The following CEP152 variants were observed in gnomAD, a reference collection of about 807,000 sequenced individuals.
CEP152 encodes the protein centrosomal protein 152.
Under a neutral mutation model 188.9 loss-of-function variants are expected in CEP152, and 132 were observed. The observed-to-expected ratio is 0.70, with a 90% confidence interval of 0.61 to 0.81. The LOEUF (loss-of-function observed/expected upper bound fraction) is 0.81, where lower values mean the gene tolerates loss of function less well. Ranked by LOEUF, CEP152 falls within the 30% of genes least tolerant of loss-of-function variation. The pLI is 0.00. For synonymous variants in CEP152, 649 were observed against 666.6 expected (o/e 0.97, Z 0.41); for missense variants, 1,914 against 1,969.8 (o/e 0.97, Z 0.54).
At chr15:48,810,245 T>C (rs982487224) in intron 1 of CEP152, 20 of 152,258 alleles carry the variant, frequency 1.3e-4, no homozygotes, top group African/African-American at 4.8e-4. Context: ...CCTTCTAGAA[T>C]GGAAATAGCC....
In CEP152 at chr15:48,769,065, G is replaced by A. The variant is rs770045149; in HGVS notation, c.1799C>T (p.Ser600Leu). The change falls in exon 14 of 27, where the codon TCA becomes TTA. Residue 600 changes from serine to leucine, a missense_variant. Physicochemically the swap from Ser to Leu is moderately radical, Grantham distance 145. Transcript: ENST00000380950. ...SIEVETKTDT[S>L]EKPKNQLWPE... ...CCATAATTGATTCTTTGGTTTTTCT[G>A]AGGTATCTGTTTTAGTCTGAATATT... The A allele has an allele frequency of 1.2e-6, 2 of 1,606,718 alleles. No individual in the cohort carries two copies. Among genetic ancestry groups the A allele is most frequent in the Non-Finnish European group, 8.5e-7 (1 of 1,174,174 alleles).
chr15:48,803,313 G>A (rs182009330), intron 2 of CEP152, among the ~76,000 whole-genome samples: 145 of 152,184 alleles, frequency 9.5e-4, no homozygotes, highest in Non-Finnish European at 1.6e-3. Context: ...GGAAGACTGA[G>A]ACAGTTAAAA....
At chr15:48,772,799 A>G (rs1269102332) in intron 12 of CEP152, 108 bp from the exon 13 acceptor site, 4 of 863,862 alleles carry the variant, frequency 4.6e-6, no homozygotes, top group Non-Finnish European at 7.5e-6. Context: ...CACCTATACA[A>G]TTATATACTA....
chr15:48,790,975 T>C (rs1896954548), intron 8 of CEP152, among the ~76,000 whole-genome samples: 1 of 152,184 alleles, frequency 6.6e-6, no homozygotes, highest in Non-Finnish European at 1.5e-5. Context: ...GGCTATCTCA[T>C]TAATCAAAGA....
intron 20 of CEP152, among the ~76,000 whole-genome samples, chr15:48,754,814 A>G (rs1051853859): frequency 1.3e-5 from 2 of 152,230 alleles, no homozygotes; most frequent in African/African-American, 4.8e-5. Context: ...CCAGTGAGCA[A>G]CTATGTGATT....
At chr15:48,756,619 G>C in intron 19 of CEP152, 66 bp from the exon 20 acceptor site, 8 of 1,497,346 alleles carry the variant, frequency 5.3e-6, no homozygotes, top group African/African-American at 4.1e-5. Context: ...AAAAAATTAA[G>C]GTAACTATTT....
intron 9 of CEP152, among the ~76,000 whole-genome samples, chr15:48,786,584 C>T (rs1435786350): frequency 2.0e-5 from 3 of 152,016 alleles, no homozygotes; most frequent in South Asian, 2.1e-4. Flanking sequence ...GGCATGATGC[C>T]GAGGTCTGGG....
At chr15:48,731,236 T>A (rs368258358) in intron 2 of CEP152, among the ~76,000 whole-genome samples, 5 of 152,330 alleles carry the variant, frequency 3.3e-5, no homozygotes, top group African/African-American at 1.2e-4. Flanking sequence ...TTAACAACAC[T>A]GTATTGTGCA....
In CEP152 at chr15:48,788,959, A is replaced by T; in HGVS notation, c.1015T>A (p.Leu339Met). 1 of 1,614,166 alleles carries T rather than the reference A, an allele frequency of 6.2e-7. No individual in the cohort carries two copies. The highest frequency in any genetic ancestry group is 1.7e-5 in the Admixed American group (1 of 60,014). ...SRTTEMALES[L>M]KQQLVDLHHS... ...TGAAGGTCCACCAGCTGCTGCTTCA[A>T]GCTTTCCAGAGCCATTTCAGTTGTT... The change falls in exon 9 of 27, where the codon TTG becomes ATG. Residue 339 changes from leucine to methionine, a missense_variant. Transcript: ENST00000380950.
At chr15:48,776,659 A>C (rs1895930357) in intron 12 of CEP152, among the ~76,000 whole-genome samples, 1 of 152,190 alleles carries the variant, frequency 6.6e-6, no homozygotes, top group Admixed American at 6.5e-5. Flanking sequence ...AAAGTAATCT[A>C]TAAAAATATT....
intron 19 of CEP152, among the ~76,000 whole-genome samples, chr15:48,758,444 G>A (rs1894429273): frequency 6.6e-6 from 1 of 152,058 alleles, no homozygotes; most frequent in Non-Finnish European, 1.5e-5. Flanking sequence ...CCAGCCAGGT[G>A]CGGTGACTCC....
chr15:48,767,459 C>T lies in CEP152; in HGVS notation c.2023G>A (p.Glu675Lys), dbSNP rs1895210988. ...TCATGGTGCTGCTGATAAGTCCTTT[C>T]ACACCTGGAAACAGAGCGGAATCAA... ...HDKQEAVDRC[E>K]RTYQQHHEAM... Residue 675 changes from glutamate (E) to lysine (K), a missense_variant, in exon 16 of 27, where the codon GAA becomes AAA. Coordinates refer to ENST00000380950, the MANE Select transcript of CEP152 (RefSeq NM_001194998.2). 6.2e-7 allele frequency: 1 copy of T among 1,613,986 alleles called. No individual in the cohort carries two copies. Among genetic ancestry groups the T allele is most frequent in the South Asian group, 1.1e-5 (1 of 91,086 alleles).
chr15:48,773,637 G>A (rs1362829278), intron 12 of CEP152: 1 of 152,192 alleles, frequency 6.6e-6, no homozygotes, highest in East Asian at 1.9e-4. Flanking sequence ...AATATGTTAT[G>A]TTTCAATGAG....
chr15:48,798,152 A>G (rs1897440276), intron 2 of CEP152, 101 bp from the exon 3 acceptor site: 4 of 822,878 alleles, frequency 4.9e-6, no homozygotes, highest in Non-Finnish European at 8.3e-6. Context: ...GAGGTCAAAG[A>G]AGTTCATAAT....
At chr15:48,766,913 CTA>C (rs1399747023) in intron 17 of CEP152, 145 bp downstream of exon 17, 5 of 951,476 alleles carry the variant, frequency 5.3e-6, no homozygotes, top group East Asian at 2.4e-5. Flanking sequence ...TATTTGTGAG[CTA>C]TATGAGTGTG....
intron 15 of CEP152, 109 bp downstream of exon 15, chr15:48,768,110 G>C: frequency 2.7e-6 from 2 of 734,800 alleles, no homozygotes; most frequent in Non-Finnish European, 2.5e-6. Context: ...GATCTCAACA[G>C]GGTAGAAATC....
intron 7 of CEP152, 37 bp from the exon 8 acceptor site, chr15:48,791,413 T>C: frequency 6.3e-7 from 1 of 1,582,650 alleles, no homozygotes; most frequent in Non-Finnish European, 8.6e-7. Flanking sequence ...ATAATGTTCC[T>C]GTAGAGGGAC....
At chr15:48,739,388 A>T in intron 26 of CEP152, 100 bp from the exon 27 acceptor site, 1 of 1,427,546 alleles carries the variant, frequency 7.0e-7, no homozygotes. Context: ...AATAAGAAAA[A>T]ATTTATGTTT....
At chr15:48,758,579 C>T (rs1396740281) in intron 19 of CEP152, among the ~76,000 whole-genome samples, 5 of 151,738 alleles carry the variant, frequency 3.3e-5, no homozygotes, top group African/African-American at 1.2e-4. Flanking sequence ...ATTAGCCAGG[C>T]GAGGTAGCGG....
Sources: allele counts gnomAD v4.1 joint callset (sites outside exome capture counted in the v4.1 genomes callset), GRCh38; gene constraint gnomAD v4.1.1; transcripts MANE v1.5; gene names NCBI Gene and HGNC (gene_info 2026-07-23, HGNC 2026-07-21).